Variants in DPP6 observed in about 807,000 individuals in gnomAD.
The protein encoded by DPP6 is A-type potassium channel modulatory protein DPP6.
Under a neutral mutation model 122.6 loss-of-function variants are expected in DPP6, and 69 were observed. The observed-to-expected ratio is 0.56, with a 90% CI of 0.46 to 0.69. The LOEUF (loss-of-function observed/expected upper bound fraction) is 0.69, where lower values mean the gene tolerates loss of function less well. Among genes scored for constraint, DPP6 ranks in the 30% least tolerant of loss-of-function variants. The pLI is 0.00. For missense variants in DPP6, 928 were observed against 1,116.9 expected (o/e 0.83, Z 2.41); for synonymous variants, 418 against 433.1 (o/e 0.97, Z 0.43).
chr7:153,998,773 TCTGA>T (rs1797559847), intron 1 of DPP6, among the ~76,000 whole-genome samples: 1 of 152,262 alleles, frequency 6.6e-6, no homozygotes, highest in South Asian at 2.1e-4. Flanking sequence ...AATTGGCTAC[TCTGA>T]CTGTTAGCAC....
intron 10 of DPP6, among the ~76,000 whole-genome samples, chr7:154,784,625 G>A (rs1797227554): frequency 6.6e-6 from 1 of 152,116 alleles, no homozygotes. Flanking sequence ...GAGAATATAC[G>A]TGAGACCCTT....
chr7:154,883,931 C>T (rs1805778227), intron 21 of DPP6: 1 of 140,060 alleles, frequency 7.1e-6, no homozygotes, highest in South Asian at 2.3e-4. Context: ...CTCACACATA[C>T]ACACGAGTAC....
intron 1 of DPP6, among the ~76,000 whole-genome samples, chr7:154,122,115 G>A (rs1314139436): frequency 1.3e-5 from 2 of 152,110 alleles, no homozygotes; most frequent in Non-Finnish European, 2.9e-5. Flanking sequence ...AGAAACAATG[G>A]ACTCATTTCT....
rs117634240 is a variant in DPP6 at position 154,832,750 on chromosome 7, C to T, written c.1667-21030C>T. Among the ~76,000 whole-genome samples, 663 of 152,308 alleles carry T rather than the reference C, an allele frequency of 4.4e-3. 6 individuals carry two copies. In the East Asian group the frequency reaches 0.05, roughly 11 times the overall value. The stretch of plus-strand genomic sequence containing the variant: ...ACCTAAGTGTGTTGAACCCTAGTGA[C>T]GTCCTAGACACAAGAGGGCACTGCA... On this transcript the variant is annotated intron_variant, in intron 16 of 25. Transcript: ENST00000377770.
chr7:154,012,694 A>G (rs1027203256), intron 1 of DPP6, among the ~76,000 whole-genome samples: 1 of 152,248 alleles, frequency 6.6e-6, no homozygotes, highest in East Asian at 1.9e-4. Flanking sequence ...ACAGTTCACA[A>G]TGGCTGTTGT....
the DPP6 span, among the ~76,000 whole-genome samples, chr7:153,783,636 C>T: frequency 6.6e-6 from 1 of 152,066 alleles, no homozygotes; most frequent in Non-Finnish European, 1.5e-5. Flanking sequence ...AAATGTTTGT[C>T]ACCTTTTACT....
chr7:154,051,260 TC>T (rs1031839150), upstream of DPP6, among the ~76,000 whole-genome samples: 3 of 109,738 alleles, frequency 2.7e-5, 1 homozygote, highest in Admixed American at 2.6e-4. Context: ...TCTCACAGGT[TC>T]CCCCCTCTGG....
intron 1 of DPP6, among the ~76,000 whole-genome samples, chr7:153,914,054 T>C (rs971303067): frequency 1.3e-5 from 2 of 152,270 alleles, no homozygotes; most frequent in Non-Finnish European, 2.9e-5. Flanking sequence ...TCATCTTGAA[T>C]TGTAGCTCCC....
chr7:154,235,073 T>A (rs1801124722), intron 1 of DPP6, among the ~76,000 whole-genome samples: 1 of 152,260 alleles, frequency 6.6e-6, no homozygotes, highest in Non-Finnish European at 1.5e-5. Flanking sequence ...AGCATACAAT[T>A]AAACGTTGTT....
intron 8 of DPP6, among the ~76,000 whole-genome samples, chr7:154,745,671 C>T (rs1843004891): frequency 6.6e-6 from 1 of 152,242 alleles, no homozygotes. Flanking sequence ...GCTGCTTCTA[C>T]TCATGGCAGA....
chr7:154,834,106 C>T (rs1800839539), intron 16 of DPP6, among the ~76,000 whole-genome samples: 1 of 152,088 alleles, frequency 6.6e-6, no homozygotes, highest in South Asian at 2.1e-4. Context: ...TCCCCTAGCT[C>T]ATAAGCTAGC....
intron 1 of DPP6, among the ~76,000 whole-genome samples, chr7:154,231,891 G>A (rs973279291): frequency 2.0e-5 from 3 of 152,170 alleles, no homozygotes; most frequent in Non-Finnish European, 4.4e-5. Flanking sequence ...GAGGTCAACC[G>A]GCTTCCTTGG....
At chr7:154,819,778 A>C (rs1410192831) in intron 16 of DPP6, among the ~76,000 whole-genome samples, 5 of 152,268 alleles carry the variant, frequency 3.3e-5, no homozygotes, top group Admixed American at 2.6e-4. Flanking sequence ...TAAAGTAAAC[A>C]TAAATGGTTC....
chr7:154,635,618 TGCAGTCACTGTGGGTCAGGA>T (rs1835685257), intron 5 of DPP6, among the ~76,000 whole-genome samples: 1 of 152,236 alleles, frequency 6.6e-6, no homozygotes, highest in Admixed American at 6.5e-5. Flanking sequence ...CATTTAATCT[TGCAGTCACTGTGGGTCAGGA>T]ACTCGAGAAC....
intron 1 of DPP6, among the ~76,000 whole-genome samples, chr7:154,084,840 A>T (rs894602073): frequency 6.6e-6 from 1 of 151,510 alleles, no homozygotes; most frequent in South Asian, 2.1e-4. Flanking sequence ...ATACAAAAAA[A>T]TTAGCCGGGC....
At chr7:154,205,431 A>G (rs1442531558) in intron 1 of DPP6, among the ~76,000 whole-genome samples, 1 of 152,236 alleles carries the variant, frequency 6.6e-6, no homozygotes, top group Non-Finnish European at 1.5e-5. Flanking sequence ...AAATGGAGCC[A>G]TAGGTGTGTG....
At chr7:154,531,408 C>T (rs1049466410) in intron 3 of DPP6, among the ~76,000 whole-genome samples, 1 of 152,190 alleles carries the variant, frequency 6.6e-6, no homozygotes, top group Non-Finnish European at 1.5e-5. Flanking sequence ...ACAAAAAACC[C>T]TATAAACTGG....
intron 1 of DPP6, among the ~76,000 whole-genome samples, chr7:154,191,866 C>T (rs1401839266): frequency 6.6e-6 from 1 of 152,176 alleles, no homozygotes; most frequent in African/African-American, 2.4e-5. Flanking sequence ...AGCCACTGTA[C>T]ATAGACATTA....
intron 19 of DPP6, among the ~76,000 whole-genome samples, chr7:154,873,121 C>T (rs1196214568): frequency 6.6e-6 from 1 of 152,226 alleles, no homozygotes; most frequent in African/African-American, 2.4e-5. Flanking sequence ...CCTTTTTTCA[C>T]CAGCAAAGAA....
Sources: allele counts gnomAD v4.1 joint callset (sites outside exome capture counted in the v4.1 genomes callset), GRCh38; gene constraint gnomAD v4.1.1; transcripts MANE v1.5; gene names NCBI Gene and HGNC (gene_info 2026-07-23, HGNC 2026-07-21).